SRGAP1: variants seen among roughly 807,000 people sequenced by gnomAD.
The protein encoded by SRGAP1 is SLIT-ROBO Rho GTPase-activating protein 1.
Under a neutral mutation model 121.9 loss-of-function variants are expected in SRGAP1, and 43 were observed. That is an observed-to-expected ratio of 0.35 (90% CI 0.28 to 0.46). The LOEUF (loss-of-function observed/expected upper bound fraction) is 0.46. SRGAP1 is among the 20% of genes least tolerant of loss of function. The pLI is 1.00. For missense variants in SRGAP1, 1,102 were observed against 1,350.9 expected (o/e 0.82, Z 2.89); for synonymous variants, 447 against 485.4 (o/e 0.92, Z 1.04).
intron 1 of SRGAP1, among the ~76,000 whole-genome samples, chr12:63,942,580 G>C (rs74099396): frequency 0.011 from 1,689 of 152,252 alleles, 31 homozygotes; most frequent in African/African-American, 0.038. Flanking sequence ...TAGATCTTCA[G>C]AAGAGTTTTT....
At chr12:63,922,881 G>A (rs1340839251) in intron 1 of SRGAP1, among the ~76,000 whole-genome samples, 1 of 152,252 alleles carries the variant, frequency 6.6e-6, no homozygotes, top group African/African-American at 2.4e-5. Flanking sequence ...AACCACAAGA[G>A]TAGATCTGTT....
chr12:63,936,572 A>G (rs763775220), intron 1 of SRGAP1, among the ~76,000 whole-genome samples: 5 of 152,166 alleles, frequency 3.3e-5, no homozygotes, highest in Non-Finnish European at 5.9e-5. Context: ...GCTGCACAAG[A>G]GGAACCAGTA....
At chr12:64,034,000 G>A (rs951711313) in intron 4 of SRGAP1, among the ~76,000 whole-genome samples, 4 of 152,312 alleles carry the variant, frequency 2.6e-5, no homozygotes, top group Admixed American at 2.6e-4. Flanking sequence ...CTACACTCCA[G>A]CCTGGTGACA....
chr12:64,115,980 C>A, intron 18 of SRGAP1, 87 bp downstream of exon 18: 2 of 1,239,972 alleles, frequency 1.6e-6, no homozygotes, highest in Non-Finnish European at 2.3e-6. Flanking sequence ...AGAGGCAAAG[C>A]ACAGTGGCTC....
At chr12:63,880,254 CAG>C (rs1271650710) in intron 1 of SRGAP1, among the ~76,000 whole-genome samples, 2 of 152,004 alleles carry the variant, frequency 1.3e-5, no homozygotes, top group South Asian at 4.2e-4. Context: ...TTTTTTGAGA[CAG>C]AGTCTTACTC....
intron 3 of SRGAP1, among the ~76,000 whole-genome samples, chr12:64,005,717 A>G (rs2034059502): frequency 6.6e-6 from 1 of 151,822 alleles, no homozygotes; most frequent in South Asian, 2.1e-4. Context: ...CAGATCTACT[A>G]TTATAATCAG....
chr12:64,113,120 A>C (rs1467743835), intron 17 of SRGAP1, among the ~76,000 whole-genome samples: 1 of 151,914 alleles, frequency 6.6e-6, no homozygotes. Flanking sequence ...GAAGAAAAAA[A>C]AAAAAGGCTG....
Position 64,043,433 on chromosome 12 carries a change from C to G in SRGAP1, c.673-14C>G. On this transcript the variant is annotated splice_polypyrimidine_tract_variant and intron_variant, in intron 5 of 21. Transcript: ENST00000355086. ...TTGCATTCTTTCCCAATGCCTGGAT[C>G]TTCTTCATTCCAGAGACAAGCAAAA... 1 of 1,603,480 alleles carries G rather than the reference C, an allele frequency of 6.2e-7. No homozygotes were observed. Among genetic ancestry groups the G allele is most frequent in the East Asian group, 2.2e-5 (1 of 44,626 alleles).
chr12:63,859,570 A>G (rs528710928), intron 1 of SRGAP1, among the ~76,000 whole-genome samples: 8 of 151,974 alleles, frequency 5.3e-5, no homozygotes, highest in East Asian at 1.9e-4. Context: ...TTCTTTACCT[A>G]TTTTCTTAAG....
chr12:63,881,716 AAT>A (rs1238096563), intron 1 of SRGAP1, among the ~76,000 whole-genome samples: 6 of 152,334 alleles, frequency 3.9e-5, no homozygotes, highest in Non-Finnish European at 7.3e-5. Flanking sequence ...TTTGGGAAGA[AAT>A]GACACCCTTT....
chr12:64,036,537 A>G (rs954461206), intron 4 of SRGAP1, among the ~76,000 whole-genome samples: 1 of 152,238 alleles, frequency 6.6e-6, no homozygotes, highest in African/African-American at 2.4e-5. Context: ...GCAGCAGGCT[A>G]TATAGAGTTA....
At position 64,132,109 on chromosome 12, in the gene SRGAP1, C is replaced by T. The variant is rs139277649; in HGVS notation, c.2880+3909C>T. 6.6e-4 allele frequency among the ~76,000 whole-genome samples: 101 copies of T among 152,268 alleles called. 1 individual carries two copies. Among genetic ancestry groups the T allele is most frequent in the African/African-American group, 2.2e-3 (92 of 41,558 alleles). ...AGAATCATTTGAACCAGAGAGGTGACGTTGCAGTGAGCCAAGATCACGCCA... is the reference window on the plus strand; with the variant it reads ...AGAATCATTTGAACCAGAGAGGTGATGTTGCAGTGAGCCAAGATCACGCCA... On this transcript the variant is annotated intron_variant, in intron 21 of 21. Coordinates refer to ENST00000355086, the MANE Select transcript of SRGAP1 (RefSeq NM_020762.4).
intron 4 of SRGAP1, among the ~76,000 whole-genome samples, chr12:64,029,604 A>T (rs763392608): frequency 1.3e-5 from 2 of 152,186 alleles, no homozygotes; most frequent in African/African-American, 4.8e-5. Flanking sequence ...AAAAGAGGAG[A>T]GTGTGTGACG....
At chr12:64,075,366 C>G (rs868156735) in intron 8 of SRGAP1, among the ~76,000 whole-genome samples, 1 of 152,184 alleles carries the variant, frequency 6.6e-6, no homozygotes, top group Non-Finnish European at 1.5e-5. Context: ...CCGACTTGGG[C>G]GGGCCAGGTG....
intron 1 of SRGAP1, among the ~76,000 whole-genome samples, chr12:63,867,874 G>GA (rs1235991775): frequency 6.6e-6 from 1 of 151,258 alleles, no homozygotes; most frequent in Non-Finnish European, 1.5e-5. Flanking sequence ...TGGTGCTTTA[G>GA]AAAAGCAGGG....
chr12:63,915,542 G>A (rs1376782542), intron 1 of SRGAP1, among the ~76,000 whole-genome samples: 1 of 152,142 alleles, frequency 6.6e-6, no homozygotes, highest in Non-Finnish European at 1.5e-5. Context: ...ATAAAGAGGA[G>A]ACAAAAGAGA....
Position 64,087,001 on chromosome 12 carries a change from C to A in SRGAP1, c.1411C>A (p.His471Asn). The A allele has an allele frequency of 2.5e-6, 4 of 1,594,934 alleles. No homozygotes were observed. The South Asian group carries it at 4.5e-5, about 18-fold the overall frequency. Residue 471 changes from histidine (H) to asparagine (N), a missense_variant and splice_region_variant, in exon 11 of 22, where the codon CAT becomes AAT. His to Asn is a moderately conservative substitution (Grantham distance 68). Transcript: ENST00000355086. ...DLLQRTLGEG[H>N]RAEYMTTRPP... ...TACTTTAAATTTTTTTCCTGCAGGT[C>A]ATAGAGCTGAATATATGACTACAAG...
At chr12:64,058,898 TA>T (rs1478522382) in intron 6 of SRGAP1, among the ~76,000 whole-genome samples, 1 of 152,176 alleles carries the variant, frequency 6.6e-6, no homozygotes, top group Non-Finnish European at 1.5e-5. Flanking sequence ...ATCTTGTTTC[TA>T]GTTCAAGATG....
chr12:64,041,863 T>G (rs1422656665), intron 4 of SRGAP1, among the ~76,000 whole-genome samples: 1 of 137,926 alleles, frequency 7.3e-6, no homozygotes, highest in African/African-American at 2.7e-5. Context: ...TTTATTTTCT[T>G]TATTTTCTTT....
Sources: gnomAD v4.1 joint callset for allele counts (sites outside exome capture counted in the v4.1 genomes callset) on GRCh38, gnomAD v4.1.1 for gene constraint, MANE v1.5 for transcripts, NCBI Gene and HGNC (gene_info 2026-07-23, HGNC 2026-07-21) for gene names.